Variants in NCALD observed in about 807,000 individuals in gnomAD.
NCALD encodes neurocalcin-delta.
A neutral mutation model predicts 18.6 loss-of-function variants in NCALD; 10 were observed. The ratio of observed to expected loss-of-function variants is 0.54; its 90% CI spans 0.33 to 0.91. The LOEUF (loss-of-function observed/expected upper bound fraction) is 0.91, where lower values mean the gene tolerates loss of function less well. Ranked by LOEUF, NCALD falls within the 40% of genes least tolerant of loss-of-function variation. The pLI is 0.03. For missense variants in NCALD, 184 were observed against 247.6 expected, an observed-to-expected ratio of 0.74 and a Z score of 1.72; for synonymous variants, 88 against 87.4, an observed-to-expected ratio of 1.01 and a Z score of -0.04.
intron 2 of NCALD, chr8:101,693,112 A>G: frequency 2.2e-6 from 1 of 445,382 alleles, no homozygotes; most frequent in Admixed American, 3.5e-5. Context: ...CAGGAGGGAC[A>G]ACCAGCAGGA....
At chr8:101,984,881 T>G (rs2131955380) in intron 2 of NCALD, among the ~76,000 whole-genome samples, 1 of 152,308 alleles carries the variant, frequency 6.6e-6, no homozygotes, top group East Asian at 1.9e-4. Context: ...CACATCACTG[T>G]GACTCAACTT....
At chr8:101,758,684 T>C (rs748930277) in intron 1 of NCALD, among the ~76,000 whole-genome samples, 3 of 152,166 alleles carry the variant, frequency 2.0e-5, no homozygotes, top group Non-Finnish European at 4.4e-5. Context: ...CGGACCTGTC[T>C]ATGGTATTCA....
At chr8:101,865,461 G>C (rs1436803966) in intron 4 of NCALD, among the ~76,000 whole-genome samples, 1 of 152,154 alleles carries the variant, frequency 6.6e-6, no homozygotes, top group Admixed American at 6.5e-5. Flanking sequence ...TGGAGCCTCA[G>C]CCCTTCGTCA....
intron 3 of NCALD, among the ~76,000 whole-genome samples, chr8:101,889,921 G>A (rs547869314): frequency 9.8e-4 from 150 of 152,296 alleles, no homozygotes; most frequent in African/African-American, 3.5e-3. Context: ...ACTTTTAGAA[G>A]AAAATACAGG....
chr8:101,823,464 T>C (rs1280301544), intron 4 of NCALD, among the ~76,000 whole-genome samples: 1 of 152,252 alleles, frequency 6.6e-6, no homozygotes, highest in Non-Finnish European at 1.5e-5. Context: ...ATGCTGAGTT[T>C]GGCCTACCTT....
intron 1 of NCALD, among the ~76,000 whole-genome samples, chr8:101,740,367 A>G (rs1810134481): frequency 6.6e-6 from 1 of 152,234 alleles, no homozygotes; most frequent in African/African-American, 2.4e-5. Flanking sequence ...TGAGAAAGGA[A>G]GAAGGAAGAT....
chr8:102,030,004 T>C (rs1233703843), intron 1 of NCALD, among the ~76,000 whole-genome samples: 1 of 152,232 alleles, frequency 6.6e-6, no homozygotes, highest in Non-Finnish European at 1.5e-5. Context: ...CAAGAGCACA[T>C]GCCTCCTAAA....
At chr8:101,707,373 C>T (rs1815576984) in intron 2 of NCALD, among the ~76,000 whole-genome samples, 1 of 152,168 alleles carries the variant, frequency 6.6e-6, no homozygotes, top group Non-Finnish European at 1.5e-5. Context: ...GTGGATTAGT[C>T]TGTGTGTTCA....
At chr8:102,055,017 A>G (rs547755517) in intron 1 of NCALD, among the ~76,000 whole-genome samples, 15 of 152,154 alleles carry the variant, frequency 9.9e-5, no homozygotes, top group African/African-American at 3.6e-4. Flanking sequence ...TGGTGTGAGT[A>G]GAGATGGTGC....
chr8:101,741,320 A>G (rs918853997), intron 1 of NCALD, among the ~76,000 whole-genome samples: 15 of 152,354 alleles, frequency 9.8e-5, no homozygotes, highest in African/African-American at 3.4e-4. Context: ...TTAATCTTGC[A>G]GCACAGACAA....
rs552054540 is a variant in NCALD at position 101,689,172 on chromosome 8, C to T, written c.*137G>A. Reference sequence around the variant, plus strand: ...ACGACAAAAGAAGCTGAAGGCGTCACGGAGGAAGGCGCATCAGACCGCACA... The same window carrying T: ...ACGACAAAAGAAGCTGAAGGCGTCATGGAGGAAGGCGCATCAGACCGCACA... On this transcript the variant is annotated 3_prime_UTR_variant, in exon 4 of 4. Transcript: ENST00000220931. The surrounding 1 kb of genome is among the most constrained non-coding windows in gnomAD (Gnocchi z 4.4). The T allele has an allele frequency of 1.3e-4, 107 of 794,866 alleles. 1 individual carries two copies. Among genetic ancestry groups the T allele is most frequent in the Middle Eastern group, 8.8e-4 (4 of 4,562 alleles). The allele number at this position is 794,866 out of a possible 1,614,324, so 49.2% of individuals were successfully genotyped here. A position where few individuals can be genotyped will look rare whatever the true frequency, so the allele number is the denominator to read the frequency against.
At position 101,687,893 on chromosome 8, in the gene NCALD, A is replaced by G. The variant is rs1220903835; in HGVS notation, c.*1416T>C. The G allele has an allele frequency of 6.6e-6, 1 of 152,246 alleles. No individual in the cohort carries two copies. The highest frequency in any genetic ancestry group is 1.5e-5 in the Non-Finnish European group (1 of 68,054). 9.4% of individuals were successfully genotyped at this position (152,246 alleles called of 1,614,324 possible). On this transcript the variant is annotated 3_prime_UTR_variant, in exon 4 of 4. Coordinates refer to ENST00000220931, the MANE Select transcript of NCALD (RefSeq NM_032041.3). ...GTCACTTCTGGAAATAGAAGTCTGC[A>G]TTCAAAGAGCACGGCAATGGAAAAT...
intron 2 of NCALD, among the ~76,000 whole-genome samples, chr8:101,943,667 G>A (rs548357850): frequency 2.0e-5 from 3 of 150,974 alleles, no homozygotes; most frequent in Admixed American, 6.6e-5. Flanking sequence ...TCGGCTGGGC[G>A]CCGTAGCTCA....
At chr8:101,824,467 AAATTTT>A (rs903161331) in intron 4 of NCALD, among the ~76,000 whole-genome samples, 2 of 151,942 alleles carry the variant, frequency 1.3e-5, no homozygotes, top group African/African-American at 2.4e-5. Context: ...ACTAATCTTT[AAATTTT>A]ATTTTATTTT....
chr8:101,862,711 C>A (rs978074535), intron 4 of NCALD, among the ~76,000 whole-genome samples: 12 of 152,176 alleles, frequency 7.9e-5, no homozygotes, highest in Non-Finnish European at 1.6e-4. Flanking sequence ...CTAACAGGGA[C>A]AAATAGAAAA....
chr8:102,029,434 A>G (rs772610590), intron 1 of NCALD, among the ~76,000 whole-genome samples: 5 of 152,242 alleles, frequency 3.3e-5, no homozygotes, highest in Non-Finnish European at 7.3e-5. Flanking sequence ...AATAGAACTC[A>G]TAAGTGAAAA....
chr8:101,760,567 T>C (rs1326733901), intron 1 of NCALD, among the ~76,000 whole-genome samples: 1 of 152,164 alleles, frequency 6.6e-6, no homozygotes, highest in Non-Finnish European at 1.5e-5. Flanking sequence ...CTAATTCAGA[T>C]AGATGAAGAA....
At chr8:101,880,337 G>A (rs1816436353) in intron 4 of NCALD, among the ~76,000 whole-genome samples, 1 of 152,190 alleles carries the variant, frequency 6.6e-6, no homozygotes, top group African/African-American at 2.4e-5. Context: ...CAGAACTCAT[G>A]CTGGCCCACG....
At chr8:102,025,448 G>T (rs1022144795) in intron 1 of NCALD, among the ~76,000 whole-genome samples, 1 of 152,140 alleles carries the variant, frequency 6.6e-6, no homozygotes, top group African/African-American at 2.4e-5. Flanking sequence ...GATGGTTCAG[G>T]TTCAAAGTTC....
Sources: gnomAD v4.1 joint callset for allele counts (sites outside exome capture counted in the v4.1 genomes callset) on GRCh38, gnomAD v4.1.1 for gene constraint, Gnocchi (gnomAD v3.1) non-coding constraint, MANE v1.5 for transcripts, NCBI Gene and HGNC (gene_info 2026-07-23, HGNC 2026-07-21) for gene names.